Variants in FGF12 observed in about 807,000 individuals in gnomAD.
FGF12 encodes the protein fibroblast growth factor 12B.
A neutral mutation model predicts 23.6 loss-of-function variants in FGF12; 14 were observed. The observed-to-expected ratio is 0.59, with a 90% CI of 0.39 to 0.93. The LOEUF is 0.93. Among genes scored for constraint, FGF12 ranks in the 40% least tolerant of loss-of-function variants. FGF12 has a pLI of 0.00. For synonymous variants in FGF12, 62 were observed against 77.3 expected, an observed-to-expected ratio of 0.80 and a Z score of 1.04; for missense variants, 175 against 217.8, an observed-to-expected ratio of 0.80 and a Z score of 1.24.
chr3:192,300,575 G>C (rs1478498773), intron 4 of FGF12, among the ~76,000 whole-genome samples: 2 of 151,898 alleles, frequency 1.3e-5, no homozygotes, highest in Non-Finnish European at 2.9e-5. Context: ...AGAGTGAAGA[G>C]TTGTAGATAA....
chr3:192,195,615 C>T (rs1055954773), intron 4 of FGF12, among the ~76,000 whole-genome samples: 2 of 152,170 alleles, frequency 1.3e-5, no homozygotes, highest in African/African-American at 2.4e-5. Flanking sequence ...CTACGATAGT[C>T]ACACAATGAA....
At chr3:192,400,368 TC>T (rs1293116877) in intron 2 of FGF12, among the ~76,000 whole-genome samples, 2 of 127,444 alleles carry the variant, frequency 1.6e-5, no homozygotes, top group African/African-American at 2.9e-5. Flanking sequence ...CACATTCTTT[TC>T]TTTTTTTTTT....
chr3:192,577,131 C>A (rs952697060), intron 2 of FGF12, among the ~76,000 whole-genome samples: 3 of 152,066 alleles, frequency 2.0e-5, no homozygotes, highest in African/African-American at 7.2e-5. Flanking sequence ...GTGCAGCAAA[C>A]CACAATGGCA....
chr3:192,559,843 A>AT (rs886687127), intron 2 of FGF12, among the ~76,000 whole-genome samples: 6 of 178 alleles, frequency 0.034, no homozygotes, highest in Non-Finnish European at 0.042. Flanking sequence ...TCGTTAATGA[A>AT]TTAAAAAAAT....
intron 4 of FGF12, among the ~76,000 whole-genome samples, chr3:192,181,467 C>T (rs1027917617): frequency 6.6e-6 from 1 of 151,934 alleles, no homozygotes; most frequent in Admixed American, 6.6e-5. Flanking sequence ...ACACCTGTAT[C>T]AGCAGATAAT....
At chr3:192,191,664 T>C (rs1716797857) in intron 4 of FGF12, among the ~76,000 whole-genome samples, 1 of 151,910 alleles carries the variant, frequency 6.6e-6, no homozygotes, top group Non-Finnish European at 1.5e-5. Flanking sequence ...TGAAACCCCG[T>C]CTCTACTAAA....
At chr3:192,575,865 C>A (rs1361002823) in intron 2 of FGF12, among the ~76,000 whole-genome samples, 2 of 151,896 alleles carry the variant, frequency 1.3e-5, no homozygotes, top group East Asian at 3.9e-4. Context: ...ATAGTTAATA[C>A]ATTGTAATTA....
At chr3:192,538,796 G>A (rs1485852359) in intron 2 of FGF12, among the ~76,000 whole-genome samples, 1 of 151,914 alleles carries the variant, frequency 6.6e-6, no homozygotes, top group East Asian at 1.9e-4. Flanking sequence ...TCATTTCTTT[G>A]TTGTGCTCTT....
chr3:192,569,883 T>C (rs1033312611), intron 2 of FGF12, among the ~76,000 whole-genome samples: 1 of 152,178 alleles, frequency 6.6e-6, no homozygotes, highest in South Asian at 2.1e-4. Flanking sequence ...TTTAGAAATA[T>C]GTGTATAAAA....
chr3:192,335,123 T>C (rs1436957093), intron 4 of FGF12, among the ~76,000 whole-genome samples: 1 of 152,140 alleles, frequency 6.6e-6, no homozygotes, highest in East Asian at 1.9e-4. Context: ...CCTGCAGAAA[T>C]GGAAGCTAGA....
At chr3:192,565,443 C>A (rs576728418) in intron 2 of FGF12, among the ~76,000 whole-genome samples, 1 of 152,364 alleles carries the variant, frequency 6.6e-6, no homozygotes, top group East Asian at 1.9e-4. Context: ...TTTCAGTCAA[C>A]AATGGACTGC....
intron 2 of FGF12, among the ~76,000 whole-genome samples, chr3:192,493,727 G>A (rs1465067714): frequency 6.6e-6 from 1 of 152,004 alleles, no homozygotes; most frequent in Non-Finnish European, 1.5e-5. Context: ...AAAGGGGGAG[G>A]TGCCACACAC....
intron 2 of FGF12, among the ~76,000 whole-genome samples, chr3:192,454,739 A>C (rs927775634): frequency 6.6e-6 from 1 of 152,174 alleles, no homozygotes. Context: ...TAATTTCACC[A>C]AAAATTTAAA....
Position 192,144,037 on chromosome 3 carries a change from C to T in FGF12, c.518G>A (p.Gly173Asp). 1 of 1,612,450 alleles carries T rather than the reference C, an allele frequency of 6.2e-7. No individual in the cohort carries two copies. The highest frequency in any genetic ancestry group is 8.5e-7 in the Non-Finnish European group (1 of 1,178,568). The change falls in exon 6 of 6, where the codon GGC becomes GAC. Residue 173 changes from glycine to aspartate, a missense_variant. Physicochemically the swap from Gly to Asp is moderately conservative, Grantham distance 94. Transcript: ENST00000445105. ...TGTTGAATCTTGATTCACAACTTTG[C>T]CTCCATTCATGGTTGGTGTTCCAGA... ...KSSGTPTMNG[G>D]KVVNQDST
At chr3:192,328,335 G>T (rs1332149589) in intron 4 of FGF12, among the ~76,000 whole-genome samples, 1 of 152,190 alleles carries the variant, frequency 6.6e-6, no homozygotes, top group African/African-American at 2.4e-5. Flanking sequence ...CAGAGGCTGG[G>T]ATCAAGCACA....
At chr3:192,503,603 GTTTTT>G (rs3074674) in intron 2 of FGF12, among the ~76,000 whole-genome samples, 176 of 99,116 alleles carry the variant, frequency 1.8e-3, no homozygotes, top group Middle Eastern at 5.2e-3. Context: ...GTGTGTGTGT[GTTTTT>G]TTTTTTTTTT....
At chr3:192,240,090 G>A (rs1719527163) in intron 4 of FGF12, among the ~76,000 whole-genome samples, 1 of 152,190 alleles carries the variant, frequency 6.6e-6, no homozygotes, top group Admixed American at 6.5e-5. Flanking sequence ...CATAGATGTT[G>A]TGCATGTTGA....
At position 192,203,133 on chromosome 3, in the gene FGF12, TTGTGTGTGTG is replaced by T. The variant is rs57503863; in HGVS notation, c.229-32487_229-32478del. The stretch of plus-strand genomic sequence containing the variant: ...AAATGTACTTAAAAGCATTAAATAT[TTGTGTGTGTG>T]TGTGTGTGTGTGTGTGTACATGCAC... On this transcript the variant is annotated intron_variant, in intron 4 of 5. Coordinates refer to ENST00000445105, the MANE Select transcript of FGF12 (RefSeq NM_004113.6). Among the ~76,000 whole-genome samples the T allele has an allele frequency of 7.5e-3, 1,116 of 148,280 alleles. 13 individuals are homozygous for T. Among genetic ancestry groups the T allele is most frequent in the African/African-American group, 0.026 (1,058 of 40,780 alleles).
intron 4 of FGF12, among the ~76,000 whole-genome samples, chr3:192,293,726 C>T (rs1397495169): frequency 6.6e-6 from 1 of 152,146 alleles, no homozygotes. Context: ...CAACATTTGC[C>T]TGCCTTTTCT....
Sources: allele counts gnomAD v4.1 joint callset (sites outside exome capture counted in the v4.1 genomes callset), GRCh38; gene constraint gnomAD v4.1.1; transcripts MANE v1.5; gene names NCBI Gene and HGNC (gene_info 2026-07-23, HGNC 2026-07-21).